The following SLC2A9 variants were observed in gnomAD, a reference collection of about 807,000 sequenced individuals.
The protein encoded by SLC2A9 is solute carrier family 2, facilitated glucose transporter member 9.
SLC2A9 carries 39 observed loss-of-function variants against 50.6 expected under a neutral mutation model. The observed-to-expected ratio is 0.77, with a 90% CI of 0.60 to 1.01. The LOEUF (loss-of-function observed/expected upper bound fraction) is 1.01. Ranked by LOEUF, SLC2A9 falls within the 50% of genes least tolerant of loss-of-function variation. The pLI is 0.00. For synonymous variants in SLC2A9, 324 were observed against 276.9 expected (o/e 1.17, Z -1.69); for missense variants, 686 against 677.6 (o/e 1.01, Z -0.14).
At chr4:9,993,884 C>T (rs1048028197) in intron 3 of SLC2A9, among the ~76,000 whole-genome samples, 7 of 152,176 alleles carry the variant, frequency 4.6e-5, no homozygotes, top group African/African-American at 1.2e-4. Flanking sequence ...CCTTTGTCAC[C>T]GAAATCACAA....
intron 10 of SLC2A9, among the ~76,000 whole-genome samples, chr4:9,837,557 A>G (rs1187258206): frequency 6.6e-6 from 1 of 152,222 alleles, no homozygotes; most frequent in African/African-American, 2.4e-5. Flanking sequence ...ATCAATGTAC[A>G]ATGCAGTAGA....
intron 6 of SLC2A9, among the ~76,000 whole-genome samples, chr4:9,928,484 C>G (rs1034667000): frequency 2.0e-5 from 3 of 152,248 alleles, no homozygotes; most frequent in African/African-American, 7.2e-5. Context: ...GTAATCCCAG[C>G]ACTTTGGGAG....
chr4:9,978,914 TCAAAA>T (rs1755252353), intron 5 of SLC2A9, among the ~76,000 whole-genome samples: 1 of 152,218 alleles, frequency 6.6e-6, no homozygotes, highest in Non-Finnish European at 1.5e-5. Context: ...TAAAAAATGT[TCAAAA>T]CATTTAAAAT....
At chr4:9,934,863 T>C (rs1746778134) in intron 6 of SLC2A9, among the ~76,000 whole-genome samples, 1 of 152,182 alleles carries the variant, frequency 6.6e-6, no homozygotes, top group African/African-American at 2.4e-5. Context: ...TGTGTCCATA[T>C]GTTCTCATTG....
chr4:9,856,144 C>T (rs906578231), intron 10 of SLC2A9, among the ~76,000 whole-genome samples: 1 of 152,264 alleles, frequency 6.6e-6, no homozygotes, highest in African/African-American at 2.4e-5. Context: ...AGCTTCTGCA[C>T]AGCAAAAGAA....
chr4:9,879,876 A>T (rs1268256635), intron 10 of SLC2A9: 1 of 985,316 alleles, frequency 1.0e-6, no homozygotes, highest in Admixed American at 6.1e-5. Context: ...GGTTATGCAC[A>T]CAAATAAAAT....
intron 10 of SLC2A9, chr4:9,880,359 C>T: frequency 1.0e-6 from 1 of 985,562 alleles, no homozygotes; most frequent in Non-Finnish European, 1.2e-6. Context: ...AGGGCAGGGG[C>T]TGACAGGTGA....
intron 5 of SLC2A9, among the ~76,000 whole-genome samples, chr4:9,979,174 C>T (rs1206708491): frequency 6.6e-6 from 1 of 152,212 alleles, no homozygotes; most frequent in Non-Finnish European, 1.5e-5. Context: ...CTGGTTTCAG[C>T]ACCAATATGC....
intron 10 of SLC2A9, among the ~76,000 whole-genome samples, chr4:9,864,567 G>A (rs1732147628): frequency 6.6e-6 from 1 of 152,176 alleles, no homozygotes; most frequent in East Asian, 1.9e-4. Flanking sequence ...CCTGCAAACT[G>A]TGCATCATCT....
chr4:9,891,874 G>A lies in SLC2A9; in HGVS notation c.1114-1163C>T, dbSNP rs143772489. Among the ~76,000 whole-genome samples, 990 of 152,338 alleles carry A rather than the reference G, an allele frequency of 6.5e-3. 1 individual carries two copies. The highest frequency in any genetic ancestry group is 1.0e-2 in the Non-Finnish European group (678 of 68,030). ...AGTCATTTGGCTTGGACAAGGGGAAGCAGTGACGCTGCTGAGGGCCATGAA... is the reference window on the plus strand; with the variant it reads ...AGTCATTTGGCTTGGACAAGGGGAAACAGTGACGCTGCTGAGGGCCATGAA... On this transcript the variant is annotated intron_variant, in intron 8 of 11. Transcript: ENST00000264784.
intron 5 of SLC2A9, among the ~76,000 whole-genome samples, chr4:9,959,636 G>A (rs938493396): frequency 6.6e-6 from 1 of 152,190 alleles, no homozygotes; most frequent in Non-Finnish European, 1.5e-5. Flanking sequence ...CCTTTTAGCA[G>A]TATTGAATTT....
At position 9,812,879 on chromosome 4, in the gene SLC2A9, C is replaced by A. The variant is rs1005644345; in HGVS notation, n.420+13541G>T. Among the ~76,000 whole-genome samples, 3 of 152,130 alleles carry A rather than the reference C, an allele frequency of 2.0e-5. No individual in the cohort carries two copies. In the South Asian group the frequency reaches 6.2e-4, roughly 32 times the overall value. On this transcript the variant is annotated intron_variant and non_coding_transcript_variant, in intron 3 of 3. Coordinates refer to the SLC2A9 transcript ENST00000503280. ...CTGTGATTTAATGAGAGGAAATTTA[C>A]TCGACTTAATGTACAAATTTGCCAG...
chr4:9,963,357 A>C (rs970668809), intron 5 of SLC2A9, among the ~76,000 whole-genome samples: 1 of 152,220 alleles, frequency 6.6e-6, no homozygotes, highest in Non-Finnish European at 1.5e-5. Context: ...GGACCATTAA[A>C]AAATTCACTA....
chr4:10,035,121 G>A (rs1027022952), intron 1 of SLC2A9: 9 of 152,312 alleles, frequency 5.9e-5, no homozygotes, highest in African/African-American at 2.2e-4. Context: ...CCTCCTGGTA[G>A]AGCACTGCCA....
upstream of SLC2A9, among the ~76,000 whole-genome samples, chr4:10,023,934 C>T (rs569660629): frequency 3.9e-5 from 6 of 152,332 alleles, no homozygotes; most frequent in African/African-American, 1.4e-4. Flanking sequence ...CAGATGAAGT[C>T]ATAAGACAAA....
chr4:9,960,020 T>C lies in SLC2A9; in HGVS notation c.682-17975A>G, dbSNP rs920444229. On this transcript the variant is annotated intron_variant, in intron 5 of 11. Coordinates refer to ENST00000264784, the MANE Select transcript of SLC2A9 (RefSeq NM_020041.3). ...GGGCAGGAACCAGGGCTAACTGGGT[T>C]ATATTCTCCCCCAGTGTTTAAAGCA... Among the ~76,000 whole-genome samples the C allele has an allele frequency of 2.1e-4, 32 of 152,238 alleles. 1 individual carries two copies. The highest frequency in any genetic ancestry group is 7.7e-4 in the African/African-American group (32 of 41,464).
intron 2 of SLC2A9, among the ~76,000 whole-genome samples, chr4:10,018,546 T>TGATA (rs749714539): frequency 0.087 from 12,658 of 145,260 alleles, 547 homozygotes; most frequent in Middle Eastern, 0.15. Context: ...ATCTCAAAGA[T>TGATA]GATAGATAGA....
chr4:9,863,726 G>A (rs538811791), intron 10 of SLC2A9, among the ~76,000 whole-genome samples: 23 of 152,204 alleles, frequency 1.5e-4, no homozygotes, highest in African/African-American at 4.8e-4. Context: ...CGCTAGACCT[G>A]ATGAATGAGA....
chr4:9,917,840 C>CA (rs1743165200), intron 7 of SLC2A9, among the ~76,000 whole-genome samples: 1 of 152,078 alleles, frequency 6.6e-6, no homozygotes, highest in Non-Finnish European at 1.5e-5. Context: ...GGGAAGAGGC[C>CA]AGGGAGGCTG....
Sources: gnomAD v4.1 joint callset for allele counts (sites outside exome capture counted in the v4.1 genomes callset) on GRCh38, gnomAD v4.1.1 for gene constraint, MANE v1.5 for transcripts, NCBI Gene and HGNC (gene_info 2026-07-23, HGNC 2026-07-21) for gene names.